Variants in ANKFY1 observed in about 807,000 individuals in gnomAD.
The protein encoded by ANKFY1 is ankyrin repeat and FYVE domain containing 1.
ANKFY1 carries 47 observed loss-of-function variants against 128.3 expected under a neutral mutation model. That is an observed-to-expected ratio of 0.37 (90% CI 0.29 to 0.47). The LOEUF (loss-of-function observed/expected upper bound fraction) is 0.47, where lower values mean the gene tolerates loss of function less well. Ranked by LOEUF, ANKFY1 falls within the 20% of genes least tolerant of loss-of-function variation. ANKFY1 has a pLI of 1.00. For synonymous variants in ANKFY1, 553 were observed against 601.6 expected (o/e 0.92, Z 1.18); for missense variants, 1,222 against 1,510.6 (o/e 0.81, Z 3.17).
chr17:4,197,986 G>A (rs370506792), intron 7 of ANKFY1, among the ~76,000 whole-genome samples: 14 of 152,168 alleles, frequency 9.2e-5, no homozygotes, highest in South Asian at 2.1e-4. Flanking sequence ...AAAACTAGCC[G>A]GGCGTGGTGG....
chr17:4,231,349 G>A (rs991410122), intron 3 of ANKFY1, among the ~76,000 whole-genome samples: 2 of 151,938 alleles, frequency 1.3e-5, no homozygotes, highest in South Asian at 2.1e-4. Context: ...ATTAGCCAGG[G>A]ATGGTGGTGA....
At chr17:4,199,467 C>T (rs1021774200) in intron 7 of ANKFY1, among the ~76,000 whole-genome samples, 1 of 152,214 alleles carries the variant, frequency 6.6e-6, no homozygotes, top group Non-Finnish European at 1.5e-5. Flanking sequence ...GCTGGGATTA[C>T]AGGCATAAGC....
intron 7 of ANKFY1, among the ~76,000 whole-genome samples, chr17:4,202,756 G>A (rs2059956357): frequency 6.7e-6 from 1 of 148,234 alleles, no homozygotes; most frequent in African/African-American, 2.5e-5. Flanking sequence ...GAAAAGATAG[G>A]TTAATGAAAA....
At chr17:4,183,260 TTG>T (rs2059547953) in intron 14 of ANKFY1, 136 bp downstream of exon 14, 3 of 986,222 alleles carry the variant, frequency 3.0e-6, no homozygotes, top group Non-Finnish European at 3.0e-6. Flanking sequence ...GACACCGCAG[TTG>T]TGTGTTTCTA....
At chr17:4,176,279 A>G (rs1264334148) in intron 19 of ANKFY1, among the ~76,000 whole-genome samples, 3 of 152,202 alleles carry the variant, frequency 2.0e-5, no homozygotes, top group Non-Finnish European at 4.4e-5. Context: ...AAACAGTGAC[A>G]CCAAGGCGCC....
rs1419080246 is a variant in ANKFY1, at chr17:4,165,735, G to C, written c.*2044C>G. The C allele has an allele frequency of 3.3e-5, 5 of 152,226 alleles. No homozygotes were observed. Among genetic ancestry groups the C allele is most frequent in the Admixed American group, 2.0e-4 (3 of 15,284 alleles). The allele number at this position is 152,226 out of a possible 1,614,324, so 9.4% of individuals were successfully genotyped here. Reference sequence around the variant, plus strand: ...ATTTGAAACATGATCTTAAGATTCTGAGTGCAATGACAGGCAAGATTGTTA... The same window carrying C: ...ATTTGAAACATGATCTTAAGATTCTCAGTGCAATGACAGGCAAGATTGTTA... On this transcript the variant is annotated 3_prime_UTR_variant, in exon 25 of 25. Transcript: ENST00000341657.
chr17:4,198,925 G>C (rs2059877710), intron 7 of ANKFY1, among the ~76,000 whole-genome samples: 1 of 152,156 alleles, frequency 6.6e-6, no homozygotes, highest in African/African-American at 2.4e-5. Context: ...CAGGTCTTTG[G>C]AAGGCCGAGG....
intron 7 of ANKFY1, among the ~76,000 whole-genome samples, chr17:4,205,306 C>T (rs1567941808): frequency 6.6e-6 from 1 of 152,188 alleles, no homozygotes; most frequent in Non-Finnish European, 1.5e-5. Context: ...TACCTCTATA[C>T]AGATTTCACT....
At chr17:4,199,415 C>A in intron 7 of ANKFY1, among the ~76,000 whole-genome samples, 1 of 152,288 alleles carries the variant, frequency 6.6e-6, no homozygotes, top group South Asian at 2.1e-4. Flanking sequence ...TGGTCTCCAA[C>A]CCCTGGGCTG....
chr17:4,230,435 G>A (rs532522600), intron 3 of ANKFY1, among the ~76,000 whole-genome samples: 2 of 152,240 alleles, frequency 1.3e-5, no homozygotes, highest in Non-Finnish European at 2.9e-5. Flanking sequence ...ACCTCTCATC[G>A]TGTCAGCTGC....
chr17:4,241,576 G>A (rs1967227404), intron 2 of ANKFY1, among the ~76,000 whole-genome samples: 1 of 151,722 alleles, frequency 6.6e-6, no homozygotes, highest in African/African-American at 2.4e-5. Context: ...GCCCAGCCCT[G>A]AGCTTCTAAC....
intron 22 of ANKFY1, among the ~76,000 whole-genome samples, chr17:4,172,301 A>G (rs1343511281): frequency 6.6e-6 from 1 of 152,216 alleles, no homozygotes; most frequent in Non-Finnish European, 1.5e-5. Context: ...TGAGGGAAAT[A>G]AAAACAGGTG....
Position 4,178,779 on chromosome 17 carries a change from A to C in ANKFY1, c.2598+78T>G. On this transcript the variant is annotated intron_variant, in intron 18 of 24. Coordinates refer to ENST00000341657, the MANE Select transcript of ANKFY1 (RefSeq NM_001330063.2). The surrounding 1 kb of genome is among the most constrained non-coding windows in gnomAD (Gnocchi z 4.1). ...GCTCTTTCCATGAGGAGACCTGTTTAGTCGGTGACATCTGTCTAGTCTCCA... is the reference window on the plus strand; with the variant it reads ...GCTCTTTCCATGAGGAGACCTGTTTCGTCGGTGACATCTGTCTAGTCTCCA... The C allele has an allele frequency of 7.3e-7, 1 of 1,374,952 alleles. No homozygotes were observed. Among genetic ancestry groups the C allele is most frequent in the Non-Finnish European group, 1.0e-6 (1 of 974,598 alleles). 85.2% of individuals were successfully genotyped at this position (1,374,952 alleles called of 1,614,324 possible).
At chr17:4,263,688 C>T in intron 1 of ANKFY1, 1 of 1,519,898 alleles carries the variant, frequency 6.6e-7, no homozygotes. Flanking sequence ...CGGGACCTGC[C>T]AGCCCGGCTC....
chr17:4,201,460 C>CT (rs2059926002), intron 7 of ANKFY1, among the ~76,000 whole-genome samples: 2 of 147,030 alleles, frequency 1.4e-5, no homozygotes, highest in Admixed American at 1.4e-4. Flanking sequence ...TCCTCAGATG[C>CT]TAGATTGGCC....
rs9916882 is a variant in ANKFY1 at position 4,165,877 on chromosome 17, T to C, written c.*1902A>G. On this transcript the variant is annotated 3_prime_UTR_variant, in exon 25 of 25. Transcript: ENST00000341657. ...CCAACCACTTCAATTCATATCCGAA[T>C]CATGATTCTCTTACTTTCTAACTTA... is the stretch of plus-strand genomic sequence containing the variant. 0.95 allele frequency: 144,036 copies of C among 152,264 alleles called. 68,663 individuals carry two copies. The highest frequency in any genetic ancestry group is 1 in the East Asian group (5,186 of 5,186). The allele number at this position is 152,264 out of a possible 1,614,324, so 9.4% of individuals were successfully genotyped here. A position where few individuals can be genotyped will look rare whatever the true frequency, so the allele number is the denominator to read the frequency against.
intron 1 of ANKFY1, 48 bp downstream of exon 1, chr17:4,263,884 C>G: frequency 6.2e-7 from 1 of 1,613,464 alleles, no homozygotes; most frequent in Non-Finnish European, 8.5e-7. Flanking sequence ...GCCAGCAGCG[C>G]CCCCACAGCT....
chr17:4,179,658 T>C (rs894130103), intron 17 of ANKFY1, 63 bp downstream of exon 17: 14 of 1,585,756 alleles, frequency 8.8e-6, no homozygotes, highest in Middle Eastern at 1.7e-4. Flanking sequence ...TCCTCTGCCA[T>C]AGGAGGAGGC....
At position 4,172,577 on chromosome 17, in the gene ANKFY1, G is replaced by A. The variant is rs1402585306; in HGVS notation, c.3118C>T (p.Pro1040Ser). 1.9e-6 allele frequency: 3 copies of A among 1,613,790 alleles called. No individual in the cohort carries two copies. The highest frequency in any genetic ancestry group is 2.5e-6 in the Non-Finnish European group (3 of 1,179,896). ...ACACCCGTGCTGCCGTCTGCATCCG[G>A]CTTGTCCAGAGGATACCCCGGCATG... The part of the protein sequence containing the change: ...ECMPGYPLDK[P>S]DADGSTVLLL... Residue 1040 changes from proline (P) to serine (S), a missense_variant, in exon 22 of 25, where the codon CCG becomes TCG. Transcript: ENST00000341657.
Sources: gnomAD v4.1 joint callset for allele counts (sites outside exome capture counted in the v4.1 genomes callset) on GRCh38, gnomAD v4.1.1 for gene constraint, Gnocchi (gnomAD v3.1) non-coding constraint, MANE v1.5 for transcripts, NCBI Gene and HGNC (gene_info 2026-07-23, HGNC 2026-07-21) for gene names.